The following MZT2A variants were observed in gnomAD, a reference collection of about 807,000 sequenced individuals.
MZT2A encodes the protein mitotic-spindle organizing protein 2A.
Under a neutral mutation model 12.4 loss-of-function variants are expected in MZT2A, and 8 were observed. That is an observed-to-expected ratio of 0.64 (90% CI 0.38 to 1.16). The LOEUF (loss-of-function observed/expected upper bound fraction) is 1.16, where lower values mean the gene tolerates loss of function less well. Ranked by LOEUF, MZT2A falls within the 50% of genes most tolerant of loss-of-function variation. The probability of loss-of-function intolerance (pLI) is 0.01; values close to 1 mark genes in which losing one functional copy is unlikely to be tolerated. For missense variants in MZT2A, 181 were observed against 223.6 expected, an observed-to-expected ratio of 0.81 and a Z score of 1.22; for synonymous variants, 88 against 107.5, an observed-to-expected ratio of 0.82 and a Z score of 1.12.
chr2:131,489,882 T>G (rs921120612), intron 2 of MZT2A: 2 of 972,298 alleles, frequency 2.1e-6, no homozygotes, highest in African/African-American at 3.5e-5. Context: ...CCACGCCCTC[T>G]GCCCTGAGAG....
At chr2:131,474,601 G>T (rs10177018) in intron 2 of MZT2A, among the ~76,000 whole-genome samples, 25,778 of 150,800 alleles carry the variant, frequency 0.17, 4,018 homozygotes, top group African/African-American at 0.42. Flanking sequence ...GTAGAGGAAG[G>T]GTTTCATCAT....
chr2:131,491,769 A>C (rs1415976483), intron 2 of MZT2A, 107 bp downstream of exon 2: 8 of 1,432,160 alleles, frequency 5.6e-6, no homozygotes, highest in Non-Finnish European at 7.4e-6. Context: ...AGACCGACCG[A>C]CAGACAGGCC....
chr2:131,492,934 G>A, upstream of MZT2A: 1 of 1,524,586 alleles, frequency 6.6e-7, no homozygotes, highest in Non-Finnish European at 8.8e-7. Context: ...CCGCACTCCT[G>A]CCTCGCCATT....
intron 2 of MZT2A, among the ~76,000 whole-genome samples, chr2:131,487,592 T>C (rs1167237737): frequency 6.6e-6 from 1 of 152,252 alleles, no homozygotes; most frequent in East Asian, 1.9e-4. Flanking sequence ...AAATTATTCA[T>C]AAGATGTTGC....
intron 3 of MZT2A, chr2:131,470,410 T>C: frequency 8.0e-7 from 1 of 1,245,312 alleles, no homozygotes; most frequent in Non-Finnish European, 1.0e-6. Flanking sequence ...ACATTTAGTT[T>C]ACACTATATT....
chr2:131,488,191 T>C (rs1679131791), intron 2 of MZT2A, among the ~76,000 whole-genome samples: 1 of 152,200 alleles, frequency 6.6e-6, no homozygotes, highest in Non-Finnish European at 1.5e-5. Context: ...CCAAACGTCA[T>C]CTTACACGCA....
upstream of MZT2A, chr2:131,492,889 C>T (rs1679406456): frequency 6.6e-7 from 1 of 1,506,410 alleles, no homozygotes; most frequent in Non-Finnish European, 8.9e-7. Flanking sequence ...GCCGCCACAA[C>T]GCAGGCGCAT....
chr2:131,486,681 A>C, intron 2 of MZT2A: 2 of 151,882 alleles, frequency 1.3e-5, no homozygotes, highest in East Asian at 3.9e-4. Flanking sequence ...TCTAGAGCAC[A>C]GTGATGCAAT....
In MZT2A at chr2:131,492,350, C is replaced by T. The variant is rs1253842515; in HGVS notation, c.27G>A (p.Gly9=). 4.0e-6 allele frequency: 6 copies of T among 1,485,618 alleles called. No individual in the cohort carries two copies. In the Admixed American group the frequency reaches 6.7e-5, roughly 17 times the overall value. The allele number at this position is 1,485,618 out of a possible 1,614,324, so 92.0% of individuals were successfully genotyped here. A position where few individuals can be genotyped will look rare whatever the true frequency, so the allele number is the denominator to read the frequency against. Residue 9 remains glycine, a synonymous_variant, in exon 1 of 3, where the codon GGG becomes GGA. Transcript: ENST00000309451. ...GCCCCGGGGGCGCCGCCGACCCCGG[C>T]CCAGGCCCTACGCCCTGCGCCGCCA... MAAQGVGP[G]PGSAAPPGLE...
chr2:131,492,494 G>A (rs113390159), upstream of MZT2A: 795 of 1,131,958 alleles, frequency 7.0e-4, 3 homozygotes, highest in East Asian at 0.015. Context: ...CGGGAGCGGC[G>A]GGAGCGCGGG....
intron 2 of MZT2A, among the ~76,000 whole-genome samples, chr2:131,484,814 A>G (rs1246809578): frequency 6.6e-6 from 1 of 152,194 alleles, no homozygotes; most frequent in Non-Finnish European, 1.5e-5. Context: ...GCCAGATTCC[A>G]TGACAGGGTT....
intron 2 of MZT2A, among the ~76,000 whole-genome samples, chr2:131,474,246 C>T (rs930347848): frequency 2.0e-5 from 3 of 151,682 alleles, no homozygotes; most frequent in Admixed American, 6.6e-5. Context: ...TGCAGGCACC[C>T]GCCGCCACGC....
At chr2:131,473,301 G>A (rs1305312109) in intron 2 of MZT2A, among the ~76,000 whole-genome samples, 4 of 151,968 alleles carry the variant, frequency 2.6e-5, no homozygotes, top group Non-Finnish European at 5.9e-5. Flanking sequence ...GCAGAACTCC[G>A]TCCCTGCCCC....
downstream of MZT2A, among the ~76,000 whole-genome samples, chr2:131,483,197 C>T (rs1573865055): frequency 6.6e-6 from 1 of 152,132 alleles, no homozygotes; most frequent in East Asian, 1.9e-4. Context: ...ATTTTTCGGG[C>T]TTCTTTATTG....
At chr2:131,477,775 G>C (rs1318842635) in intron 2 of MZT2A, among the ~76,000 whole-genome samples, 1 of 151,970 alleles carries the variant, frequency 6.6e-6, no homozygotes, top group Non-Finnish European at 1.5e-5. Flanking sequence ...GACCTACTCT[G>C]TATTTCCTTA....
chr2:131,484,931 C>T (rs1414036413), intron 2 of MZT2A, among the ~76,000 whole-genome samples: 1 of 152,226 alleles, frequency 6.6e-6, no homozygotes, highest in East Asian at 1.9e-4. Flanking sequence ...GCTTACTTTA[C>T]TCTTTAAGAT....
intron 2 of MZT2A, among the ~76,000 whole-genome samples, chr2:131,472,873 T>C (rs1039064204): frequency 4.6e-5 from 7 of 151,914 alleles, no homozygotes; most frequent in African/African-American, 1.7e-4. Context: ...CATGATGTGG[T>C]TGGAGCCTTG....
At chr2:131,484,285 C>T (rs1573866881) in intron 2 of MZT2A, 67 bp from the exon 3 acceptor site, 8 of 1,582,096 alleles carry the variant, frequency 5.1e-6, no homozygotes, top group African/African-American at 1.3e-5. Context: ...CTGCTGTACT[C>T]GTGCTCCTTG....
intron 2 of MZT2A, among the ~76,000 whole-genome samples, chr2:131,485,568 T>A (rs539131573): frequency 3.2e-4 from 49 of 152,294 alleles, no homozygotes; most frequent in Admixed American, 1.4e-3. Flanking sequence ...CTGACCACCC[T>A]GGCATTAAGT....
Sources: gnomAD v4.1 joint callset for allele counts (sites outside exome capture counted in the v4.1 genomes callset) on GRCh38, gnomAD v4.1.1 for gene constraint, MANE v1.5 for transcripts, NCBI Gene and HGNC (gene_info 2026-07-23, HGNC 2026-07-21) for gene names.